Variants in SOX30 observed in about 807,000 individuals in gnomAD.
SOX30 encodes the protein transcription factor SOX-30.
In SOX30, 17 loss-of-function variants were observed where a neutral mutation model predicts 58.6. That is an observed-to-expected ratio of 0.29 (90% CI 0.20 to 0.44). The LOEUF (loss-of-function observed/expected upper bound fraction) is 0.44, where lower values mean the gene tolerates loss of function less well. SOX30 is among the 20% of genes least tolerant of loss of function. The probability of loss-of-function intolerance (pLI) is 1.00; values close to 1 mark genes in which losing one functional copy is unlikely to be tolerated. For synonymous variants in SOX30, 421 were observed against 400.2 expected, an observed-to-expected ratio of 1.05 and a Z score of -0.62; for missense variants, 951 against 965.8, an observed-to-expected ratio of 0.98 and a Z score of 0.20.
At position 157,652,047 on chromosome 5, in the gene SOX30, T is replaced by A; in HGVS notation, c.32A>T (p.Gln11Leu). 2 of 1,422,510 alleles carry A rather than the reference T, an allele frequency of 1.4e-6. No homozygotes were observed. Among genetic ancestry groups the A allele is most frequent in the Non-Finnish European group, 9.1e-7 (1 of 1,096,790 alleles). 88.1% of individuals were successfully genotyped at this position (1,422,510 alleles called of 1,614,324 possible). A position where few individuals can be genotyped will look rare whatever the true frequency, so the allele number is the denominator to read the frequency against. The change falls in exon 1 of 5, where the codon CAG becomes CTG. Residue 11 changes from glutamine (Q) to leucine (L), a missense_variant. Transcript: ENST00000265007. MERARPEPPP[Q>L]PRPLRPAPPP... is the part of the protein sequence containing the mutation. ...CGGAGCGGGACGCAACGGGCGCGGC[T>A]GAGGCGGCGGCTCGGGTCTGGCTCT...
intron 4 of SOX30, among the ~76,000 whole-genome samples, chr5:157,629,908 C>G (rs944016117): frequency 6.6e-6 from 1 of 152,184 alleles, no homozygotes; most frequent in Non-Finnish European, 1.5e-5. Context: ...GGCTCTAGTT[C>G]TAGCTATGCC....
At chr5:157,647,446 T>C (rs981509919) in intron 2 of SOX30, among the ~76,000 whole-genome samples, 5 of 150,804 alleles carry the variant, frequency 3.3e-5, no homozygotes, top group Admixed American at 3.3e-4. Flanking sequence ...TCCCAAAGCC[T>C]TTCCTCCACC....
chr5:157,660,245 A>T (rs1402769338), intron 2 of SOX30, among the ~76,000 whole-genome samples: 1 of 152,154 alleles, frequency 6.6e-6, no homozygotes. Context: ...ACGTGGCAAA[A>T]TCTCGTCTCT....
chr5:157,649,657 G>A lies in SOX30; in HGVS notation c.968-761C>T, dbSNP rs180906638. Among the ~76,000 whole-genome samples the A allele has an allele frequency of 2.7e-4, 41 of 152,200 alleles. No homozygotes were observed. In the East Asian group the frequency reaches 7.9e-3, roughly 29 times the overall value. On this transcript the variant is annotated intron_variant, in intron 1 of 4. Transcript: ENST00000265007. ...ATACAAAAATTAGCCAGGCGTGGTT[G>A]CTCATGCCTGTAGTCCCAGCTACCT...
At chr5:157,667,521 G>C (rs1352033837) in intron 2 of SOX30, among the ~76,000 whole-genome samples, 1 of 152,112 alleles carries the variant, frequency 6.6e-6, no homozygotes, top group Non-Finnish European at 1.5e-5. Flanking sequence ...ATCACCTGCG[G>C]TCAGGAATTT....
chr5:157,655,691 C>A (rs544808229), upstream of SOX30, among the ~76,000 whole-genome samples: 1 of 152,268 alleles, frequency 6.6e-6, no homozygotes, highest in South Asian at 2.1e-4. Context: ...GTGGATCTTT[C>A]TGTGGCTTCC....
At chr5:157,648,937 C>CAA (rs553872094) in intron 1 of SOX30, 41 bp from the exon 2 acceptor site, 11 of 279,528 alleles carry the variant, frequency 3.9e-5, no homozygotes, top group Non-Finnish European at 5.1e-5. Context: ...ATGTGCCATA[C>CAA]ACACACACAC....
chr5:157,657,776 T>C (rs912574517), intron 2 of SOX30, among the ~76,000 whole-genome samples: 12 of 152,264 alleles, frequency 7.9e-5, no homozygotes, highest in African/African-American at 2.9e-4. Flanking sequence ...TGGAAACTAT[T>C]TGTGAGTATT....
chr5:157,646,694 A>G lies in SOX30; in HGVS notation c.1330T>C (p.Ser444Pro), dbSNP rs746885177. 6.2e-7 allele frequency: 1 copy of G among 1,613,608 alleles called. No homozygotes were observed. The highest frequency in any genetic ancestry group is 1.1e-5 in the South Asian group (1 of 91,066). ...TNPTTVYPYR[S>P]PTYSVVIPSL... ...GGAATTACCACAGAGTACGTAGGTGAGCGGTAAGGATAAACTGTTGTAGGA... is the reference window on the plus strand; with the variant it reads ...GGAATTACCACAGAGTACGTAGGTGGGCGGTAAGGATAAACTGTTGTAGGA... The change falls in exon 3 of 5, where the codon TCA becomes CCA. Residue 444 changes from serine to proline, a missense_variant. Coordinates refer to ENST00000265007, the MANE Select transcript of SOX30 (RefSeq NM_178424.2).
At chr5:157,671,176 T>C (rs561920637) in intron 1 of SOX30, among the ~76,000 whole-genome samples, 82 of 152,302 alleles carry the variant, frequency 5.4e-4, no homozygotes, top group Admixed American at 4.3e-3. Context: ...AGCAATTGTC[T>C]CGTCGCAGAA....
intron 2 of SOX30, among the ~76,000 whole-genome samples, chr5:157,648,283 G>A (rs796565804): frequency 4.6e-5 from 7 of 152,248 alleles, no homozygotes; most frequent in South Asian, 2.1e-4. Flanking sequence ...CTCATTAAGC[G>A]TAGACTGCAT....
intron 4 of SOX30, among the ~76,000 whole-genome samples, chr5:157,637,779 C>G (rs1355388290): frequency 6.6e-6 from 1 of 151,954 alleles, no homozygotes; most frequent in Non-Finnish European, 1.5e-5. Flanking sequence ...CTGCAACCTC[C>G]GCCTCCCAGG....
At chr5:157,654,411 A>AGTTTTAACCTAGCTGACTCT (rs1159612513), upstream of SOX30, among the ~76,000 whole-genome samples, 1 of 152,238 alleles carries the variant, frequency 6.6e-6, no homozygotes, top group Non-Finnish European at 1.5e-5. Context: ...TTATGAAAAT[A>AGTTTTAACCTAGCTGACTCT]GTTTTAACCT....
In SOX30 at chr5:157,639,937, G is replaced by A. The variant is rs79884821; in HGVS notation, c.1388-1215C>T. Reference sequence around the variant, plus strand: ...AGGAAGTAGGGAATTAAGGGACATAGCCACCTGTCTGAAGATGGGCTCTGA... The same window carrying A: ...AGGAAGTAGGGAATTAAGGGACATAACCACCTGTCTGAAGATGGGCTCTGA... On this transcript the variant is annotated intron_variant, in intron 3 of 4. Transcript: ENST00000265007. Among the ~76,000 whole-genome samples, 326 of 152,302 alleles carry A rather than the reference G, an allele frequency of 2.1e-3. 3 individuals are homozygous for A. Among genetic ancestry groups the A allele is most frequent in the African/African-American group, 7.6e-3 (314 of 41,574 alleles).
In SOX30 at chr5:157,651,430, G is replaced by A. The variant is rs1460307896; in HGVS notation, c.649C>T (p.Pro217Ser). The A allele has an allele frequency of 1.2e-6, 2 of 1,613,480 alleles. No homozygotes were observed. Among genetic ancestry groups the A allele is most frequent in the Non-Finnish European group, 1.7e-6 (2 of 1,180,024 alleles). ...CTGCAGTCCTCGAGGAGTCTCTCGG[G>A]TTCCTCCGTTTTGATCACACCTTCT... ...IREGVIKTEE[P>S]ERLLEDCRLG... The change falls in exon 1 of 5, where the codon CCC becomes TCC. Residue 217 changes from proline to serine, a missense_variant. Around this residue, in one of 7 missense-constraint regions of SOX30, gnomAD observed 5 missense variants for 18.6 expected, o/e 0.27. Transcript: ENST00000265007.
rs1187565698 is a variant in SOX30 at position 157,626,564 on chromosome 5, T to C, written c.2038A>G (p.Thr680Ala). 9.3e-6 allele frequency: 15 copies of C among 1,614,204 alleles called. No homozygotes were observed. Among genetic ancestry groups the C allele is most frequent in the Non-Finnish European group, 1.3e-5 (15 of 1,180,028 alleles). The change falls in exon 5 of 5, where the codon ACA becomes GCA. Residue 680 changes from threonine to alanine, a missense_variant. Physicochemically the swap from Thr to Ala is moderately conservative, Grantham distance 58. This residue lies in a region of SOX30 where 381 missense variants were observed against 390.0 expected (regional missense o/e 0.98). Coordinates refer to ENST00000265007, the MANE Select transcript of SOX30 (RefSeq NM_178424.2). ...CAACTCCGAGAATTTTCACTGTGTG[T>C]GCATTCACTTGAGTAGTCTCTAAAA... Reference protein sequence around the residue: ...YSFRDYSSECTHSENSRSCEN... With the variant: ...YSFRDYSSECAHSENSRSCEN...
Position 157,652,289 on chromosome 5 carries a change from TC to T in SOX30, c.-212del. 8.0e-7 allele frequency: 1 copy of T among 1,245,526 alleles called. No homozygotes were observed. 77.2% of individuals were successfully genotyped at this position (1,245,526 alleles called of 1,614,324 possible). ...AGGCGGGTTTTCCGGCTCTTCCTGG[TC>T]CCTACTCTCGCCTCGTGCTGAGTCC... On this transcript the variant is annotated 5_prime_UTR_variant, in exon 1 of 5. An upstream open reading frame in the 5' UTR loses its in-frame stop. Coordinates refer to ENST00000265007, the MANE Select transcript of SOX30 (RefSeq NM_178424.2).
At chr5:157,654,183 T>C (rs1445465385), upstream of SOX30, among the ~76,000 whole-genome samples, 1 of 149,872 alleles carries the variant, frequency 6.7e-6, no homozygotes, top group East Asian at 2.0e-4. Flanking sequence ...AAAAAAAAAC[T>C]ATTGAAGATC....
chr5:157,651,393 T>C lies in SOX30; in HGVS notation c.686A>G (p.Glu229Gly). Residue 229 changes from glutamate (E) to glycine (G), a missense_variant, in exon 1 of 5, where the codon GAG becomes GGG. Around this residue, in one of 7 missense-constraint regions of SOX30, gnomAD observed 84 missense variants for 68.2 expected, o/e 1.23. Coordinates refer to ENST00000265007, the MANE Select transcript of SOX30 (RefSeq NM_178424.2). The part of the protein sequence containing the change: ...RLLEDCRLGA[E>G]PASNGLVHGS... Reference sequence around the variant, plus strand: ...ATGAACCAGGCCATTGGACGCGGGCTCCGCGCCGAGCCTGCAGTCCTCGAG... The same window carrying C: ...ATGAACCAGGCCATTGGACGCGGGCCCCGCGCCGAGCCTGCAGTCCTCGAG... 1 of 1,613,408 alleles carries C rather than the reference T, an allele frequency of 6.2e-7. No individual in the cohort carries two copies. The highest frequency in any genetic ancestry group is 8.5e-7 in the Non-Finnish European group (1 of 1,180,030).
Sources: gnomAD v4.1 joint callset for allele counts (sites outside exome capture counted in the v4.1 genomes callset) on GRCh38, gnomAD v4.1.1 for gene constraint, gnomAD v4.1.1 regional missense constraint, MANE v1.5 for transcripts, NCBI Gene and HGNC (gene_info 2026-07-23, HGNC 2026-07-21) for gene names.